PPIE: variants seen among roughly 807,000 people sequenced by gnomAD.
The protein encoded by PPIE is peptidylprolyl isomerase E, also known as peptidyl-prolyl cis-trans isomerase E.
A neutral mutation model predicts 38.4 loss-of-function variants in PPIE; 20 were observed. The ratio of observed to expected loss-of-function variants is 0.52; its 90% CI spans 0.37 to 0.76. The LOEUF is 0.76. Among genes scored for constraint, PPIE ranks in the 30% least tolerant of loss-of-function variants. PPIE has a pLI of 0.00. For missense variants in PPIE, 322 were observed against 385.8 expected, an observed-to-expected ratio of 0.83 and a Z score of 1.39; for synonymous variants, 142 against 135.7, an observed-to-expected ratio of 1.05 and a Z score of -0.32.
At chr1:39,740,995 T>G (rs898734206) in intron 2 of PPIE, among the ~76,000 whole-genome samples, 14 of 152,252 alleles carry the variant, frequency 9.2e-5, no homozygotes, top group Non-Finnish European at 1.6e-4. Flanking sequence ...TTAGGATTCA[T>G]GCTTTATGCA....
At chr1:39,763,221 G>A in intron 9 of PPIE, 2 of 1,594,144 alleles carry the variant, frequency 1.3e-6, no homozygotes, top group East Asian at 2.2e-5. Context: ...CAAGGGAGAA[G>A]GTGAGTCCCA....
chr1:39,756,611 A>C lies in PPIE; in HGVS notation c.*3256A>C. The C allele has an allele frequency of 1.0e-6, 1 of 985,450 alleles. No individual in the cohort carries two copies. The highest frequency in any genetic ancestry group is 1.7e-5 in the African/African-American group (1 of 57,380). 61.0% of individuals were successfully genotyped at this position (985,450 alleles called of 1,614,324 possible). A position where few individuals can be genotyped will look rare whatever the true frequency, so the allele number is the denominator to read the frequency against. On this transcript the variant is annotated 3_prime_UTR_variant, in exon 10 of 10. Transcript: ENST00000324379. ...TATTGTTGAAAATGGAGTCTTGTAG[A>C]GTTCAGTGATGGGAAACTAAAGTAG...
rs769528061 is a variant in PPIE at position 39,743,812 on chromosome 1, C to G, written c.284-12C>G. On this transcript the variant is annotated splice_polypyrimidine_tract_variant and intron_variant, in intron 5 of 9. Transcript: ENST00000324379. ...AGCTTGAATGAACATTTGTTTGATT[C>G]TTTCCTTTCAGTTTGGTCAGATGAT... The G allele has an allele frequency of 3.1e-6, 5 of 1,603,682 alleles. No individual in the cohort carries two copies. Among genetic ancestry groups the G allele is most frequent in the Non-Finnish European group, 4.3e-6 (5 of 1,171,256 alleles).
chr1:39,745,662 A>G, intron 7 of PPIE, 164 bp downstream of exon 7: 2 of 1,144,712 alleles, frequency 1.7e-6, no homozygotes, highest in South Asian at 3.5e-5. Flanking sequence ...AAGTCAGAGC[A>G]GGTGTTTTTG....
At position 39,763,848 on chromosome 1, in the gene PPIE, A is replaced by G. The variant is rs537694803; in HGVS notation, c.*106A>G. 5 of 1,562,652 alleles carry G rather than the reference A, an allele frequency of 3.2e-6. No individual in the cohort carries two copies. The South Asian group carries it at 3.4e-5, about 11-fold the overall frequency. On this transcript the variant is annotated 3_prime_UTR_variant, in exon 10 of 10. Coordinates refer to the PPIE transcript ENST00000356511. ...GGGGTTCCTACTGTGTGCAGCTACT[A>G]TGGGGTACCAGGGTGGGGGATGCCC...
In PPIE at chr1:39,752,903, C is replaced by G. The variant is rs1647888845; in HGVS notation, c.695-7C>G. The G allele has an allele frequency of 6.2e-7, 1 of 1,611,526 alleles. No homozygotes were observed. Among genetic ancestry groups the G allele is most frequent in the African/African-American group, 1.3e-5 (1 of 74,790 alleles). On this transcript the variant is annotated splice_region_variant and splice_polypyrimidine_tract_variant and intron_variant, in intron 8 of 9. Coordinates refer to ENST00000324379, the MANE Select transcript of PPIE (RefSeq NM_006112.4). Reference sequence around the variant, plus strand: ...TTCGGGGAGCTGATGGTTGTTCTCTCCCTCAGGTCTACTATCCATGGCCAA... The same window carrying G: ...TTCGGGGAGCTGATGGTTGTTCTCTGCCTCAGGTCTACTATCCATGGCCAA...
intron 9 of PPIE, chr1:39,763,195 A>G: frequency 6.2e-7 from 1 of 1,612,052 alleles, no homozygotes; most frequent in Non-Finnish European, 8.5e-7. Context: ...GGGAGCGATG[A>G]CCCAGTCCTG....
chr1:39,738,916 C>G lies in PPIE; in HGVS notation c.16C>G (p.Arg6Gly), dbSNP rs766699936. ...CGCGAGCAAGATGGCCACCACCAAGCGCGTCTTGTACGTGGGTGAGCAGGA... is the reference window on the plus strand; with the variant it reads ...CGCGAGCAAGATGGCCACCACCAAGGGCGTCTTGTACGTGGGTGAGCAGGA... MATTK[R>G]VLYVGGLAEE... is the part of the protein sequence containing the mutation. The change falls in exon 1 of 10, where the codon CGC becomes GGC. Residue 6 changes from arginine to glycine, a missense_variant. Transcript: ENST00000324379. 9 of 1,502,380 alleles carry G rather than the reference C, an allele frequency of 6.0e-6. No homozygotes were observed. The highest frequency in any genetic ancestry group is 8.0e-6 in the Non-Finnish European group (9 of 1,126,998). 93.1% of individuals were successfully genotyped at this position (1,502,380 alleles called of 1,614,324 possible).
chr1:39,762,807 A>G (rs1015645812), intron 9 of PPIE, among the ~76,000 whole-genome samples: 38 of 152,244 alleles, frequency 2.5e-4, no homozygotes, highest in Non-Finnish European at 4.8e-4. Context: ...CGCTGCACAC[A>G]GGTGCGTAAG....
intron 4 of PPIE, 77 bp downstream of exon 4, chr1:39,741,998 C>A: frequency 6.6e-7 from 1 of 1,509,148 alleles, no homozygotes; most frequent in South Asian, 1.2e-5. Flanking sequence ...TATCAGTGTT[C>A]TGGACTTCCA....
In PPIE at chr1:39,738,897, C is replaced by T. The variant is rs146968021; in HGVS notation, c.-4C>T. 3,151 of 1,511,850 alleles carry T rather than the reference C, an allele frequency of 2.1e-3. 10 individuals carry two copies. Among genetic ancestry groups the T allele is most frequent in the Middle Eastern group, 2.5e-3 (14 of 5,674 alleles). The allele number at this position is 1,511,850 out of a possible 1,614,324, so 93.7% of individuals were successfully genotyped here. A position where few individuals can be genotyped will look rare whatever the true frequency, so the allele number is the denominator to read the frequency against. ...GGCTTCCGGCGGAAAAGCGCGCGAG[C>T]AAGATGGCCACCACCAAGCGCGTCT... On this transcript the variant is annotated 5_prime_UTR_variant, in exon 1 of 10. Transcript: ENST00000324379.
intron 5 of PPIE, 69 bp downstream of exon 5, chr1:39,743,366 CTATT>C: frequency 7.1e-7 from 1 of 1,403,416 alleles, no homozygotes; most frequent in Non-Finnish European, 1.0e-6. Flanking sequence ...TTTTTTGTCT[CTATT>C]TACTTGGAAG....
At chr1:39,757,381 C>T (rs1475133977), downstream of PPIE, 1 of 152,212 alleles carries the variant, frequency 6.6e-6, no homozygotes, top group Non-Finnish European at 1.5e-5. Context: ...AGAAGCAGAA[C>T]CAGGATTCAA....
intron 7 of PPIE, chr1:39,747,484 A>G (rs1202598654): frequency 4.0e-5 from 4 of 100,318 alleles, no homozygotes; most frequent in African/African-American, 1.6e-4. Flanking sequence ...TTTTTTTGAG[A>G]CAGAGTCTCG....
In PPIE at chr1:39,752,911, T is replaced by G; in HGVS notation, c.696T>G (p.Gly232=). ...ENFILKHTGP[G]LLSMANSGPN... ...GCTGATGGTTGTTCTCTCCCTCAGG[T>G]CTACTATCCATGGCCAACTCTGGCC... Residue 232 remains glycine, a splice_region_variant and synonymous_variant, in exon 9 of 10, where the codon GGT becomes GGG. Transcript: ENST00000324379. The G allele has an allele frequency of 6.2e-7, 1 of 1,613,180 alleles. No homozygotes were observed. The highest frequency in any genetic ancestry group is 8.5e-7 in the Non-Finnish European group (1 of 1,179,682).
downstream of PPIE, chr1:39,760,508 C>A: frequency 6.2e-7 from 1 of 1,614,150 alleles, no homozygotes; most frequent in Non-Finnish European, 8.5e-7. Flanking sequence ...ACAGAGGTGG[C>A]GCTCAGCTTG....
At position 39,754,877 on chromosome 1, in the gene PPIE, T is replaced by C. The variant is rs1252677778; in HGVS notation, c.*1522T>C. The C allele has an allele frequency of 1.4e-5, 5 of 362,540 alleles. No homozygotes were observed. The highest frequency in any genetic ancestry group is 1.5e-5 in the Non-Finnish European group (4 of 260,660). 22.5% of individuals were successfully genotyped at this position (362,540 alleles called of 1,614,324 possible). On this transcript the variant is annotated 3_prime_UTR_variant, in exon 10 of 10. Coordinates refer to ENST00000324379, the MANE Select transcript of PPIE (RefSeq NM_006112.4). The stretch of plus-strand genomic sequence containing the variant: ...CTGTCTTGAAAAAAAGAAACCATCA[T>C]CACAGCAACATCTAGACTAGTGTTT...
chr1:39,752,459 A>G (rs1474485051), intron 8 of PPIE, among the ~76,000 whole-genome samples: 1 of 152,208 alleles, frequency 6.6e-6, no homozygotes, highest in Non-Finnish European at 1.5e-5. Flanking sequence ...ACACACACAC[A>G]TACATACATG....
At chr1:39,750,859 A>G (rs751374123) in intron 8 of PPIE, among the ~76,000 whole-genome samples, 6 of 152,142 alleles carry the variant, frequency 3.9e-5, no homozygotes, top group Non-Finnish European at 5.9e-5. Context: ...CCTCTTTACT[A>G]TACTGAACTG....
Sources: gnomAD v4.1 joint callset for allele counts (sites outside exome capture counted in the v4.1 genomes callset) on GRCh38, gnomAD v4.1.1 for gene constraint, MANE v1.5 for transcripts, NCBI Gene and HGNC (gene_info 2026-07-23, HGNC 2026-07-21) for gene names.